The following LRRC1 variants were observed in gnomAD, a reference collection of about 807,000 sequenced individuals.
LRRC1 encodes leucine-rich repeat-containing protein 1.
In LRRC1, 28 loss-of-function variants were observed where a neutral mutation model predicts 69.9. The observed-to-expected ratio is 0.40, with a 90% confidence interval of 0.30 to 0.55. The LOEUF (loss-of-function observed/expected upper bound fraction) is 0.55. Ranked by LOEUF, LRRC1 falls within the 20% of genes least tolerant of loss-of-function variation. The pLI, the probability that LRRC1 is intolerant of heterozygous loss-of-function variation, is 0.47. For missense variants in LRRC1, 498 were observed against 609.0 expected, an observed-to-expected ratio of 0.82 and a Z score of 1.92; for synonymous variants, 236 against 240.2, an observed-to-expected ratio of 0.98 and a Z score of 0.16.
intron 2 of LRRC1, among the ~76,000 whole-genome samples, chr6:53,867,633 A>C (rs1332656027): frequency 1.3e-5 from 2 of 152,160 alleles, no homozygotes; most frequent in Non-Finnish European, 2.9e-5. Flanking sequence ...AATTAATGAA[A>C]AGTATGATTA....
At chr6:53,916,703 A>G (rs1183393507) in intron 11 of LRRC1, among the ~76,000 whole-genome samples, 1 of 152,198 alleles carries the variant, frequency 6.6e-6, no homozygotes, top group East Asian at 1.9e-4. Flanking sequence ...CTTTGCTTAA[A>G]ACTAAAAATT....
rs74489697 is a variant in LRRC1 at position 53,887,520 on chromosome 6, C to A, written c.446+4544C>A. Among the ~76,000 whole-genome samples, 71 of 152,054 alleles carry A rather than the reference C, an allele frequency of 4.7e-4. No homozygotes were observed. The East Asian group carries it at 0.012, about 25-fold the overall frequency. ...GAGGTGCATATACTGTCTCATGACA[C>A]CCTTCCTCCTGAGGCTAGCTTTACC... On this transcript the variant is annotated intron_variant, in intron 4 of 13. Transcript: ENST00000370888.
intron 1 of LRRC1, among the ~76,000 whole-genome samples, chr6:53,807,085 A>G (rs1764654208): frequency 6.6e-6 from 1 of 152,204 alleles, no homozygotes; most frequent in South Asian, 2.1e-4. Flanking sequence ...GACCATTAGA[A>G]ATATCTATGG....
intron 1 of LRRC1, among the ~76,000 whole-genome samples, chr6:53,833,359 G>A (rs1765486073): frequency 6.6e-6 from 1 of 152,110 alleles, no homozygotes. Context: ...ATTATGGGGG[G>A]CAACCTTGGG....
chr6:53,826,303 A>G (rs919862799), intron 1 of LRRC1, among the ~76,000 whole-genome samples: 3 of 151,610 alleles, frequency 2.0e-5, no homozygotes. Flanking sequence ...CCTTCTTACA[A>G]CCTAGAGCCT....
chr6:53,887,753 A>G (rs1767536155), intron 4 of LRRC1, among the ~76,000 whole-genome samples: 1 of 151,924 alleles, frequency 6.6e-6, no homozygotes, highest in Non-Finnish European at 1.5e-5. Context: ...CTTTTTGCAT[A>G]TTTGCAATTT....
At chr6:53,889,176 G>GAT (rs1408597704) in intron 4 of LRRC1, among the ~76,000 whole-genome samples, 1 of 152,086 alleles carries the variant, frequency 6.6e-6, no homozygotes, top group South Asian at 2.1e-4. Flanking sequence ...TACCCTCTAG[G>GAT]ATGATTATAA....
chr6:53,795,532 T>C (rs1764270889), intron 1 of LRRC1, 117 bp downstream of exon 1: 7 of 967,000 alleles, frequency 7.2e-6, no homozygotes, highest in Non-Finnish European at 1.0e-5. Flanking sequence ...CTTCCCTCTT[T>C]TATGCATTCA....
At chr6:53,845,324 A>G (rs1765909721) in intron 2 of LRRC1, among the ~76,000 whole-genome samples, 1 of 152,212 alleles carries the variant, frequency 6.6e-6, no homozygotes, top group Admixed American at 6.5e-5. Flanking sequence ...AGATCTCAGT[A>G]TGCTTCCACT....
At chr6:53,848,890 T>C (rs901423000) in intron 2 of LRRC1, among the ~76,000 whole-genome samples, 2 of 152,106 alleles carry the variant, frequency 1.3e-5, no homozygotes, top group African/African-American at 4.8e-5. Flanking sequence ...CCCGAGTAGC[T>C]GAGATTACAG....
At chr6:53,900,333 G>A (rs1032296212) in intron 8 of LRRC1, among the ~76,000 whole-genome samples, 5 of 152,088 alleles carry the variant, frequency 3.3e-5, no homozygotes, top group Admixed American at 1.3e-4. Context: ...CACCATGCCC[G>A]GCCTTGCTGT....
rs77090965 is a variant in LRRC1 at position 53,834,301 on chromosome 6, A to G, written c.160-7809A>G. 8.5e-5 allele frequency among the ~76,000 whole-genome samples: 13 copies of G among 152,140 alleles called. No individual in the cohort carries two copies. The East Asian group carries it at 2.3e-3, about 27-fold the overall frequency. ...CTCTGTCTGGATTGGTTTGGCAGCA[A>G]CCCCACTTATGTGCTCTCACATGTA... On this transcript the variant is annotated intron_variant, in intron 1 of 13. Coordinates refer to ENST00000370888, the MANE Select transcript of LRRC1 (RefSeq NM_018214.5).
chr6:53,862,558 C>T lies in LRRC1; in HGVS notation c.278-16435C>T, dbSNP rs542595087. On this transcript the variant is annotated intron_variant, in intron 2 of 13. Transcript: ENST00000370888. ...ATAAGGGTTATTTTGGTAATTGTGG[C>T]TTTAGGTGAAAACCTTTTTGATTAG... 1.5e-4 allele frequency among the ~76,000 whole-genome samples: 23 copies of T among 152,234 alleles called. No homozygotes were observed. The South Asian group carries it at 4.8e-3, about 32-fold the overall frequency.
intron 1 of LRRC1, among the ~76,000 whole-genome samples, chr6:53,809,136 A>C (rs1764718850): frequency 6.6e-6 from 1 of 152,208 alleles, no homozygotes; most frequent in African/African-American, 2.4e-5. Flanking sequence ...GTCTGCTCAT[A>C]ATTATTCAGC....
chr6:53,916,579 C>T (rs888962679), intron 11 of LRRC1, among the ~76,000 whole-genome samples: 16 of 152,022 alleles, frequency 1.1e-4, no homozygotes, highest in African/African-American at 3.9e-4. Flanking sequence ...AATAGTAGTT[C>T]CCCTAGATGA....
At position 53,901,561 on chromosome 6, in the gene LRRC1, G is replaced by C. The variant is rs572279074; in HGVS notation, c.788-1068G>C. Among the ~76,000 whole-genome samples, 15 of 151,644 alleles carry C rather than the reference G, an allele frequency of 9.9e-5. 1 individual carries two copies. In the South Asian group the frequency reaches 3.1e-3, roughly 32 times the overall value. ...GCCCTGTCTCTTAAAAAAAAAAAAA[G>C]CAAAGATATGTTACAAATCAGTTTG... On this transcript the variant is annotated intron_variant, in intron 8 of 13. Transcript: ENST00000370888.
intron 4 of LRRC1, among the ~76,000 whole-genome samples, chr6:53,890,817 G>A (rs1013825722): frequency 8.5e-5 from 13 of 152,096 alleles, no homozygotes; most frequent in African/African-American, 3.1e-4. Flanking sequence ...ATCAAATAAT[G>A]TTGCCATAAA....
chr6:53,911,025 T>C (rs1484179956), intron 10 of LRRC1, among the ~76,000 whole-genome samples: 2 of 152,234 alleles, frequency 1.3e-5, no homozygotes, highest in Non-Finnish European at 2.9e-5. Flanking sequence ...TGCAACAACA[T>C]GTGCTCTTTG....
At chr6:53,862,956 AGCACG>A (rs776605355) in intron 2 of LRRC1, among the ~76,000 whole-genome samples, 12 of 152,234 alleles carry the variant, frequency 7.9e-5, no homozygotes, top group Non-Finnish European at 1.6e-4. Flanking sequence ...GGCAGCCCAC[AGCACG>A]GCATTCAAAC....
Sources: allele counts gnomAD v4.1 joint callset (sites outside exome capture counted in the v4.1 genomes callset), GRCh38; gene constraint gnomAD v4.1.1; transcripts MANE v1.5; gene names NCBI Gene and HGNC (gene_info 2026-07-23, HGNC 2026-07-21).